Variants in TMCO5A observed in about 807,000 individuals in gnomAD.
TMCO5A encodes transmembrane and coiled-coil domain-containing protein 5A.
A neutral mutation model predicts 42.3 loss-of-function variants in TMCO5A; 34 were observed. The observed-to-expected ratio is 0.80, with a 90% confidence interval of 0.61 to 1.07. The LOEUF is 1.07. Ranked by LOEUF, TMCO5A falls within the 50% of genes least tolerant of loss-of-function variation. The pLI, the probability that TMCO5A is intolerant of heterozygous loss-of-function variation, is 0.00. For synonymous variants in TMCO5A, 131 were observed against 115.6 expected, an observed-to-expected ratio of 1.13 and a Z score of -0.86; for missense variants, 357 against 327.9, an observed-to-expected ratio of 1.09 and a Z score of -0.69.
At chr15:38,013,769 AT>A in the TMCO5A span, among the ~76,000 whole-genome samples, 1 of 152,290 alleles carries the variant, frequency 6.6e-6, no homozygotes, top group East Asian at 1.9e-4. Context: ...TCTGGATTCA[AT>A]TTATACTGTT....
chr15:37,945,955 T>A (rs941139806), intron 10 of TMCO5A, among the ~76,000 whole-genome samples: 1 of 152,186 alleles, frequency 6.6e-6, no homozygotes, highest in Non-Finnish European at 1.5e-5. Context: ...CATGCCTGTG[T>A]CCATGGTATT....
chr15:37,990,899 G>A, the TMCO5A span, among the ~76,000 whole-genome samples: 5 of 151,956 alleles, frequency 3.3e-5, no homozygotes, highest in African/African-American at 1.2e-4. Context: ...AAAACCTCTG[G>A]TCCTATACAG....
At chr15:38,014,365 A>G in the TMCO5A span, among the ~76,000 whole-genome samples, 1 of 152,308 alleles carries the variant, frequency 6.6e-6, no homozygotes, top group South Asian at 2.1e-4. Flanking sequence ...CCAAGATACG[A>G]TCGATTACAA....
chr15:37,955,050 AAAC>A (rs1890251750), downstream of TMCO5A, among the ~76,000 whole-genome samples: 1 of 151,988 alleles, frequency 6.6e-6, no homozygotes, highest in South Asian at 2.1e-4. Flanking sequence ...GAAGACCACA[AAAC>A]AACAAGGAAA....
At chr15:37,970,311 A>G (rs972488694), downstream of TMCO5A, among the ~76,000 whole-genome samples, 3 of 152,196 alleles carry the variant, frequency 2.0e-5, no homozygotes, top group South Asian at 6.2e-4. Context: ...CTTGTGTAGG[A>G]AAACTCCCAT....
intron 11 of TMCO5A, among the ~76,000 whole-genome samples, chr15:37,963,212 C>T (rs990401417): frequency 6.6e-6 from 1 of 152,050 alleles, no homozygotes; most frequent in Admixed American, 6.6e-5. Context: ...CCTCTTAGCA[C>T]CACCTTTGCT....
chr15:38,028,630 G>C, the TMCO5A span, among the ~76,000 whole-genome samples: 1 of 151,772 alleles, frequency 6.6e-6, no homozygotes, highest in Non-Finnish European at 1.5e-5. Context: ...CTGTTTCCAG[G>C]GTGAGTTTTG....
intron 4 of TMCO5A, 40 bp downstream of exon 4, chr15:37,937,010 T>A (rs769690098): frequency 6.2e-7 from 1 of 1,607,798 alleles, no homozygotes; most frequent in Non-Finnish European, 8.5e-7. Context: ...ATAGGTTGCA[T>A]TCCTCATTCC....
chr15:37,989,922 GC>G, the TMCO5A span, among the ~76,000 whole-genome samples: 1 of 151,996 alleles, frequency 6.6e-6, no homozygotes, highest in Non-Finnish European at 1.5e-5. Context: ...TCTCCCAAAA[GC>G]CCCACTTCTC....
chr15:38,013,964 C>T, the TMCO5A span, among the ~76,000 whole-genome samples: 1 of 152,108 alleles, frequency 6.6e-6, no homozygotes, highest in Non-Finnish European at 1.5e-5. Flanking sequence ...CTCATGACTC[C>T]TTCTTTCATC....
At chr15:37,959,533 A>G (rs751508300) in intron 11 of TMCO5A, among the ~76,000 whole-genome samples, 25 of 152,062 alleles carry the variant, frequency 1.6e-4, no homozygotes, top group Admixed American at 1.1e-3. Context: ...ATAGTTCGAC[A>G]TACACAAATC....
At chr15:37,953,606 C>T (rs781150606), downstream of TMCO5A, among the ~76,000 whole-genome samples, 5 of 151,910 alleles carry the variant, frequency 3.3e-5, no homozygotes, top group Admixed American at 6.6e-5. Context: ...TGGGTACAAA[C>T]GAGCCCAGAT....
chr15:37,973,620 TC>T, the TMCO5A span, among the ~76,000 whole-genome samples: 1 of 152,182 alleles, frequency 6.6e-6, no homozygotes, highest in Non-Finnish European at 1.5e-5. Context: ...TGATTTTGTA[TC>T]CTGAAACTTT....
chr15:37,937,807 G>A (rs1889575321), intron 5 of TMCO5A, among the ~76,000 whole-genome samples: 1 of 152,050 alleles, frequency 6.6e-6, no homozygotes, highest in Admixed American at 6.6e-5. Flanking sequence ...CATTTCCAAT[G>A]CCTCAATACC....
At chr15:38,006,396 T>C in the TMCO5A span, among the ~76,000 whole-genome samples, 27 of 152,120 alleles carry the variant, frequency 1.8e-4, no homozygotes, top group Non-Finnish European at 2.9e-5. Flanking sequence ...TGGTTGAGCT[T>C]ATGGACTCAG....
chr15:37,998,541 T>G, the TMCO5A span, among the ~76,000 whole-genome samples: 2 of 152,130 alleles, frequency 1.3e-5, no homozygotes, highest in African/African-American at 4.8e-5. Context: ...GGTCTCTATT[T>G]GATTCCATTG....
the TMCO5A span, among the ~76,000 whole-genome samples, chr15:37,977,710 AG>A: frequency 1.3e-5 from 2 of 152,216 alleles, no homozygotes; most frequent in South Asian, 2.1e-4. Context: ...GGGCAAGCTC[AG>A]CCTTTATGTT....
chr15:37,946,897 G>A (rs1889984857), intron 10 of TMCO5A, among the ~76,000 whole-genome samples: 1 of 152,092 alleles, frequency 6.6e-6, no homozygotes, highest in East Asian at 1.9e-4. Flanking sequence ...ATGTTGAATA[G>A]GAGTGGTGAG....
At chr15:37,972,457 A>G (rs1890693024), downstream of TMCO5A, among the ~76,000 whole-genome samples, 1 of 152,072 alleles carries the variant, frequency 6.6e-6, no homozygotes, top group Non-Finnish European at 1.5e-5. Flanking sequence ...TTATTTTTTG[A>G]GTTTTTAATA....
Sources: gnomAD v4.1 joint callset for allele counts (sites outside exome capture counted in the v4.1 genomes callset) on GRCh38, gnomAD v4.1.1 for gene constraint, MANE v1.5 for transcripts, NCBI Gene and HGNC (gene_info 2026-07-23, HGNC 2026-07-21) for gene names.